NEBL: variants seen among roughly 807,000 people sequenced by gnomAD.
The protein encoded by NEBL is nebulette.
NEBL carries 122 observed loss-of-function variants against 140.2 expected under a neutral mutation model. The observed-to-expected ratio is 0.87, with a 90% confidence interval of 0.75 to 1.01. The LOEUF (loss-of-function observed/expected upper bound fraction) is 1.01. NEBL is among the 50% of genes least tolerant of loss of function. The pLI, the probability that NEBL is intolerant of heterozygous loss-of-function variation, is 0.00. For synonymous variants in NEBL, 436 were observed against 398.9 expected, an observed-to-expected ratio of 1.09 and a Z score of -1.11; for missense variants, 1,365 against 1,231.3, an observed-to-expected ratio of 1.11 and a Z score of -1.62.
chr10:21,192,743 G>A (rs1172661477), intron 3 of NEBL, among the ~76,000 whole-genome samples: 1 of 151,186 alleles, frequency 6.6e-6, no homozygotes, highest in East Asian at 2.0e-4. Flanking sequence ...TACGAGGGGG[G>A]CTGAGGCAGG....
chr10:20,974,299 A>T (rs1186041742), intron 3 of NEBL, among the ~76,000 whole-genome samples: 1 of 147,342 alleles, frequency 6.8e-6, no homozygotes, highest in Non-Finnish European at 1.5e-5. Flanking sequence ...TGTTGCCCAG[A>T]CTGGAATGCA....
chr10:21,142,777 G>A (rs925447375), intron 2 of NEBL, among the ~76,000 whole-genome samples: 2 of 152,028 alleles, frequency 1.3e-5, no homozygotes, highest in Admixed American at 6.6e-5. Context: ...TATGAACTGC[G>A]CGTGTGAGGG....
intron 2 of NEBL, 23 bp from the exon 3 acceptor site, chr10:20,889,972 T>C: frequency 6.8e-7 from 1 of 1,465,172 alleles, no homozygotes; most frequent in Non-Finnish European, 9.5e-7. Context: ...ATGATTTACA[T>C]AAGAAGAGAA....
intron 9 of NEBL, among the ~76,000 whole-genome samples, chr10:20,855,525 C>CAAA (rs71390796): frequency 2.2e-5 from 3 of 137,038 alleles, no homozygotes; most frequent in Non-Finnish European, 3.2e-5. Flanking sequence ...CAAAACAAAA[C>CAAA]AAAAAAAAAA....
At chr10:21,226,648 G>C (rs769184731) in intron 3 of NEBL, among the ~76,000 whole-genome samples, 5 of 152,152 alleles carry the variant, frequency 3.3e-5, no homozygotes, top group Admixed American at 6.5e-5. Flanking sequence ...TGCTGTGACA[G>C]GGCAGCACTG....
At chr10:20,867,051 A>G (rs1844365761) in intron 7 of NEBL, among the ~76,000 whole-genome samples, 1 of 152,134 alleles carries the variant, frequency 6.6e-6, no homozygotes, top group Admixed American at 6.5e-5. Context: ...CATCAAATGC[A>G]TTAGAAGTAC....
Position 20,831,262 on chromosome 10 carries a change from T to A in NEBL, c.1605A>T (p.Gly535=). 6.2e-7 allele frequency: 1 copy of A among 1,613,466 alleles called. No homozygotes were observed. The highest frequency in any genetic ancestry group is 8.5e-7 in the Non-Finnish European group (1 of 1,179,684). The change falls in exon 16 of 28, where the codon GGA becomes GGT. Residue 535 remains glycine, a synonymous_variant. Transcript: ENST00000377122. ...KDLENEIKGK[G]MQVSMDIPDI... The stretch of plus-strand genomic sequence containing the variant: ...CTGGGATATCCATGCTCACTTGCAT[T>A]CCTTTCCCTTTAATTTCATTTTCTA...
chr10:20,850,526 A>G (rs1338618109), intron 10 of NEBL, 24 bp from the exon 11 acceptor site: 1 of 1,473,582 alleles, frequency 6.8e-7, no homozygotes, highest in Non-Finnish European at 9.5e-7. Context: ...AGAAAAGCAT[A>G]TACAAATCGA....
chr10:21,133,956 C>T lies in NEBL; in HGVS notation c.164+38427G>A, dbSNP rs567732200. On this transcript the variant is annotated intron_variant, in intron 2 of 6. Coordinates refer to the NEBL transcript ENST00000417816. Reference sequence around the variant, plus strand: ...TTCTTAAAAGGGCCGGGCACAGTGGCTTACTTACGCCTGTAATCCCAGCAC... The same window carrying T: ...TTCTTAAAAGGGCCGGGCACAGTGGTTTACTTACGCCTGTAATCCCAGCAC... 3.3e-5 allele frequency among the ~76,000 whole-genome samples: 5 copies of T among 152,292 alleles called. No homozygotes were observed. In the East Asian group the frequency reaches 9.6e-4, roughly 29 times the overall value.
chr10:20,909,675 G>T (rs1316338284), intron 4 of NEBL, among the ~76,000 whole-genome samples: 3 of 152,020 alleles, frequency 2.0e-5, no homozygotes, highest in African/African-American at 7.2e-5. Flanking sequence ...TCTCTGATTT[G>T]CAAAAAGCTA....
chr10:21,038,028 T>TAG (rs376613955), intron 2 of NEBL, among the ~76,000 whole-genome samples: 31 of 151,790 alleles, frequency 2.0e-4, no homozygotes, highest in African/African-American at 6.3e-4. Context: ...AGAAACCTTC[T>TAG]AGAGAGAGAG....
chr10:20,999,050 C>T (rs1427085681), intron 3 of NEBL, among the ~76,000 whole-genome samples: 1 of 152,104 alleles, frequency 6.6e-6, no homozygotes, highest in Non-Finnish European at 1.5e-5. Flanking sequence ...AATTCATTCC[C>T]TTTCCCAGAC....
chr10:21,264,462 C>G (rs574264615), intron 1 of NEBL, among the ~76,000 whole-genome samples: 6 of 152,100 alleles, frequency 3.9e-5, no homozygotes, highest in Admixed American at 3.9e-4. Flanking sequence ...AAGTTGCCAC[C>G]CTTCTGCAGG....
At chr10:21,029,022 G>C in intron 2 of NEBL, 2 of 762,062 alleles carry the variant, frequency 2.6e-6, no homozygotes, top group Non-Finnish European at 2.1e-6. Flanking sequence ...CAAAAAAGAC[G>C]AATAAGAAGA....
At chr10:20,966,151 A>G (rs1178082532) in intron 3 of NEBL, among the ~76,000 whole-genome samples, 1 of 152,252 alleles carries the variant, frequency 6.6e-6, no homozygotes, top group Non-Finnish European at 1.5e-5. Context: ...CAAATATTGA[A>G]TACTATATAT....
chr10:21,217,333 AG>A (rs1842007834), intron 3 of NEBL, among the ~76,000 whole-genome samples: 2 of 152,242 alleles, frequency 1.3e-5, no homozygotes, highest in Admixed American at 1.3e-4. Context: ...CACAAGGGAC[AG>A]TGCTCCAAAT....
chr10:20,887,935 C>T (rs1466408497), intron 4 of NEBL, among the ~76,000 whole-genome samples, 162 bp downstream of exon 4: 1 of 152,170 alleles, frequency 6.6e-6, no homozygotes, highest in African/African-American at 2.4e-5. Flanking sequence ...TCATTTTCTG[C>T]AATTTCAACA....
Position 20,854,561 on chromosome 10 carries a change from CT to C in NEBL, c.904-1913del, listed in dbSNP as rs71390794. Among the ~76,000 whole-genome samples, 757 of 107,260 alleles carry C rather than the reference CT, an allele frequency of 7.1e-3. 2 individuals are homozygous for C. Among genetic ancestry groups the C allele is most frequent in the East Asian group, 0.04 (163 of 4,056 alleles). The allele number at this position is 107,260 out of a possible 152,430, so 70.4% of individuals were successfully genotyped here. On this transcript the variant is annotated intron_variant, in intron 9 of 27. Coordinates refer to ENST00000377122, the MANE Select transcript of NEBL (RefSeq NM_006393.3). The stretch of plus-strand genomic sequence containing the variant: ...AGGACATGAAAATGTTCATATAGTA[CT>C]TTTTTTTTTTTTTTTTTTTTTGGAC...
intron 2 of NEBL, among the ~76,000 whole-genome samples, chr10:20,894,008 T>C (rs1480815019): frequency 1.3e-5 from 2 of 152,008 alleles, no homozygotes; most frequent in African/African-American, 2.4e-5. Context: ...AAGCAAAACA[T>C]CATCCTGCTC....
Sources: gnomAD v4.1 joint callset for allele counts (sites outside exome capture counted in the v4.1 genomes callset) on GRCh38, gnomAD v4.1.1 for gene constraint, MANE v1.5 for transcripts, NCBI Gene and HGNC (gene_info 2026-07-23, HGNC 2026-07-21) for gene names.